Variants in GRID2 observed in about 807,000 individuals in gnomAD.
GRID2 encodes glutamate ionotropic receptor delta type subunit 2, also known as glutamate receptor ionotropic, delta-2.
A neutral mutation model predicts 114.8 loss-of-function variants in GRID2; 33 were observed. The ratio of observed to expected loss-of-function variants is 0.29; its 90% CI spans 0.22 to 0.38. The LOEUF (loss-of-function observed/expected upper bound fraction) is 0.38, where lower values mean the gene tolerates loss of function less well. GRID2 is among the 10% of genes least tolerant of loss of function. The pLI is 1.00. For synonymous variants in GRID2, 505 were observed against 449.9 expected, an observed-to-expected ratio of 1.12 and a Z score of -1.55; for missense variants, 1,184 against 1,257.7, an observed-to-expected ratio of 0.94 and a Z score of 0.89.
At chr4:93,290,466 C>A (rs1308003870) in intron 8 of GRID2, among the ~76,000 whole-genome samples, 1 of 152,284 alleles carries the variant, frequency 6.6e-6, no homozygotes. Flanking sequence ...TATATTTCAT[C>A]TTTAATGTCA....
At chr4:93,161,085 A>G (rs1737650472) in intron 4 of GRID2, among the ~76,000 whole-genome samples, 1 of 151,888 alleles carries the variant, frequency 6.6e-6, no homozygotes, top group South Asian at 2.1e-4. Context: ...CATATCATAC[A>G]GTCATCATTT....
intron 2 of GRID2, among the ~76,000 whole-genome samples, chr4:93,059,272 T>C (rs1461184814): frequency 2.0e-5 from 3 of 152,266 alleles, no homozygotes; most frequent in African/African-American, 4.8e-5. Flanking sequence ...TCTCCAACTT[T>C]TATTGAAGTC....
intron 8 of GRID2, among the ~76,000 whole-genome samples, chr4:93,245,355 C>T (rs974282): frequency 0.71 from 108,191 of 151,952 alleles, 39,333 homozygotes; most frequent in Middle Eastern, 0.86. Context: ...TTAAATTAAC[C>T]AGAATGTTAG....
At chr4:92,996,552 A>G (rs1308289434) in intron 2 of GRID2, among the ~76,000 whole-genome samples, 1 of 152,140 alleles carries the variant, frequency 6.6e-6, no homozygotes, top group Non-Finnish European at 1.5e-5. Context: ...TTTGCATTGC[A>G]TTGTACATTA....
At chr4:93,648,008 A>C (rs561935527) in intron 14 of GRID2, among the ~76,000 whole-genome samples, 1 of 152,276 alleles carries the variant, frequency 6.6e-6, no homozygotes, top group East Asian at 1.9e-4. Flanking sequence ...GTAGCTACTC[A>C]AGTTATAGTT....
chr4:93,322,578 G>C (rs1757353503), intron 8 of GRID2, among the ~76,000 whole-genome samples: 1 of 152,222 alleles, frequency 6.6e-6, no homozygotes, highest in Non-Finnish European at 1.5e-5. Flanking sequence ...GGGATGGCTG[G>C]GTCAAATGGT....
intron 4 of GRID2, among the ~76,000 whole-genome samples, chr4:93,180,251 T>C (rs1739762186): frequency 6.6e-6 from 1 of 152,084 alleles, no homozygotes. Flanking sequence ...TCTCAGCACA[T>C]GTAAATGTTA....
chr4:92,822,743 A>G, intron 2 of GRID2: 1 of 161,840 alleles, frequency 6.2e-6, no homozygotes, highest in Non-Finnish European at 1.3e-5. Context: ...CAAAGTGGAA[A>G]TGACCCTCCA....
intron 2 of GRID2, among the ~76,000 whole-genome samples, chr4:92,989,122 A>G (rs1754686532): frequency 6.6e-6 from 1 of 151,568 alleles, no homozygotes; most frequent in African/African-American, 2.4e-5. Context: ...CTAAAAATAC[A>G]AAAAATTAGC....
intron 13 of GRID2, among the ~76,000 whole-genome samples, chr4:93,614,026 T>C (rs1220264215): frequency 6.6e-6 from 1 of 152,046 alleles, no homozygotes; most frequent in Admixed American, 6.5e-5. Context: ...GCGCCGTTTT[T>C]TAAGCCGGTC....
intron 2 of GRID2, among the ~76,000 whole-genome samples, chr4:92,970,853 AT>A (rs1753462404): frequency 6.6e-6 from 1 of 151,982 alleles, no homozygotes; most frequent in African/African-American, 2.4e-5. Context: ...TGCTTTTGAC[AT>A]TGATAAAGTA....
At chr4:92,931,650 C>T (rs746128673) in intron 2 of GRID2, among the ~76,000 whole-genome samples, 3 of 148,372 alleles carry the variant, frequency 2.0e-5, no homozygotes, top group Non-Finnish European at 4.5e-5. Flanking sequence ...ACACAGCATT[C>T]GGAATAGATC....
chr4:93,199,723 C>T (rs1230115321), intron 4 of GRID2, among the ~76,000 whole-genome samples: 1 of 152,126 alleles, frequency 6.6e-6, no homozygotes, highest in East Asian at 1.9e-4. Context: ...ACAAGACAGT[C>T]CTTTCAGAAT....
chr4:93,374,802 G>A (rs757275264), intron 8 of GRID2, among the ~76,000 whole-genome samples: 2 of 152,102 alleles, frequency 1.3e-5, no homozygotes, highest in Non-Finnish European at 2.9e-5. Flanking sequence ...TGTGTGGTTA[G>A]GAGTTAGCTG....
chr4:93,741,801 G>A (rs1005781483), intron 14 of GRID2, among the ~76,000 whole-genome samples: 1 of 151,888 alleles, frequency 6.6e-6, no homozygotes, highest in African/African-American at 2.4e-5. Context: ...GTGCACGCCT[G>A]TAATCCCAGC....
chr4:92,872,259 A>G (rs926538181), intron 2 of GRID2, among the ~76,000 whole-genome samples: 1 of 152,224 alleles, frequency 6.6e-6, no homozygotes, highest in African/African-American at 2.4e-5. Context: ...TTATGAAGAA[A>G]GAATATATGA....
chr4:92,831,006 G>A (rs1405002600), intron 2 of GRID2, among the ~76,000 whole-genome samples: 1 of 152,162 alleles, frequency 6.6e-6, no homozygotes, highest in Non-Finnish European at 1.5e-5. Flanking sequence ...AAGGACAATA[G>A]TTTCAATGCC....
At chr4:92,386,663 G>C (rs939937842) in intron 1 of GRID2, among the ~76,000 whole-genome samples, 1 of 151,692 alleles carries the variant, frequency 6.6e-6, no homozygotes, top group African/African-American at 2.4e-5. Flanking sequence ...AGCAATATTT[G>C]ATAAAGACAT....
intron 1 of GRID2, among the ~76,000 whole-genome samples, chr4:92,475,697 A>T (rs1722271261): frequency 6.6e-6 from 1 of 151,746 alleles, no homozygotes; most frequent in South Asian, 2.1e-4. Context: ...TTATTTTTTA[A>T]TTTTGTGTAA....
Sources: gnomAD v4.1 joint callset for allele counts (sites outside exome capture counted in the v4.1 genomes callset) on GRCh38, gnomAD v4.1.1 for gene constraint, MANE v1.5 for transcripts, NCBI Gene and HGNC (gene_info 2026-07-23, HGNC 2026-07-21) for gene names.